TTYH2: variants seen among roughly 807,000 people sequenced by gnomAD.
The protein encoded by TTYH2 is protein tweety homolog 2.
A neutral mutation model predicts 68.3 loss-of-function variants in TTYH2; 49 were observed. The ratio of observed to expected loss-of-function variants is 0.72; its 90% CI spans 0.57 to 0.91. The LOEUF is 0.91. TTYH2 is among the 40% of genes least tolerant of loss of function. The pLI is 0.00. For synonymous variants in TTYH2, 272 were observed against 300.8 expected (o/e 0.90, Z 0.99); for missense variants, 631 against 700.4 (o/e 0.90, Z 1.12).
In TTYH2 at chr17:74,250,366, G is replaced by A. The variant is rs577666880; in HGVS notation, c.1116+9G>A. The A allele has an allele frequency of 8.1e-6, 13 of 1,610,394 alleles. No homozygotes were observed. The highest frequency in any genetic ancestry group is 1.1e-5 in the Non-Finnish European group (13 of 1,177,706). Reference sequence around the variant, plus strand: ...GCCGAGGGCTGCACAAGGTGCATGGGGACCCTGGGGTCACGTGGAGAGTGT... The same window carrying A: ...GCCGAGGGCTGCACAAGGTGCATGGAGACCCTGGGGTCACGTGGAGAGTGT... On this transcript the variant is annotated intron_variant, in intron 10 of 13. Coordinates refer to ENST00000269346, the MANE Select transcript of TTYH2 (RefSeq NM_032646.6).
At position 74,213,836 on chromosome 17, in the gene TTYH2, GC is replaced by G; in HGVS notation, c.129+123del. 8 of 1,293,966 alleles carry G rather than the reference GC, an allele frequency of 6.2e-6. No individual in the cohort carries two copies. Among genetic ancestry groups the G allele is most frequent in the Non-Finnish European group, 8.5e-6 (8 of 946,552 alleles). 80.2% of individuals were successfully genotyped at this position (1,293,966 alleles called of 1,614,324 possible). On this transcript the variant is annotated intron_variant, in intron 1 of 13. Transcript: ENST00000269346. This position sits in a 1 kb window ranked among gnomAD's most constrained non-coding sequence, Gnocchi z 6.1. ...CTCAGACCCCTTCTCTCCCCGCGCA[GC>G]CCTTTCCCGTCTCCCCTCTCCCCTT...
At chr17:74,255,981 AC>A (rs2050690335) in intron 13 of TTYH2, among the ~76,000 whole-genome samples, 1 of 152,308 alleles carries the variant, frequency 6.6e-6, no homozygotes, top group African/African-American at 2.4e-5. Context: ...ACGCACAGGC[AC>A]CCAGGGAGTC....
intron 1 of TTYH2, among the ~76,000 whole-genome samples, chr17:74,220,880 A>T (rs372442482): frequency 4.3e-4 from 66 of 151,952 alleles, no homozygotes; most frequent in Middle Eastern, 6.8e-3. Flanking sequence ...TCAACCTCCC[A>T]GTCTCAAGCG....
chr17:74,222,253 A>G lies in TTYH2; in HGVS notation c.130-232A>G, dbSNP rs1352556483. Among the ~76,000 whole-genome samples, 1 of 152,088 alleles carries G rather than the reference A, an allele frequency of 6.6e-6. No homozygotes were observed. The highest frequency in any genetic ancestry group is 2.4e-5 in the African/African-American group (1 of 41,406). On this transcript the variant is annotated intron_variant, in intron 1 of 13. Transcript: ENST00000269346. This position sits in a 1 kb window ranked among gnomAD's most constrained non-coding sequence, Gnocchi z 5.2. ...CTCTGGCACCCCTCCCTCACTGACCACGAGGCCCACCACTTGGCCTCATGC... is the reference window on the plus strand; with the variant it reads ...CTCTGGCACCCCTCCCTCACTGACCGCGAGGCCCACCACTTGGCCTCATGC...
intron 13 of TTYH2, among the ~76,000 whole-genome samples, chr17:74,258,193 G>A (rs72848267): frequency 0.03 from 4,578 of 152,198 alleles, 79 homozygotes; most frequent in Middle Eastern, 0.058. Context: ...TCATACTTGC[G>A]TATGCATCAG....
chr17:74,223,529 GGCCTTA>G (rs1411626372), intron 2 of TTYH2, among the ~76,000 whole-genome samples: 5 of 152,128 alleles, frequency 3.3e-5, no homozygotes, highest in Non-Finnish European at 7.4e-5. Flanking sequence ...CACCATGCTG[GGCCTTA>G]AAGTGAGGAT....
intron 2 of TTYH2, among the ~76,000 whole-genome samples, chr17:74,223,323 A>T (rs1195278188): frequency 2.6e-5 from 4 of 151,498 alleles, no homozygotes; most frequent in Admixed American, 1.3e-4. Flanking sequence ...ACAGGCTTTC[A>T]TCAAGTTCCC....
chr17:74,250,512 G>A (rs1037536882), intron 10 of TTYH2, 155 bp downstream of exon 10: 11 of 645,002 alleles, frequency 1.7e-5, no homozygotes, highest in Non-Finnish European at 2.9e-5. Context: ...AAGGGAGGGG[G>A]TGCCTGGCTT....
chr17:74,249,421 C>T, intron 8 of TTYH2, 22 bp downstream of exon 8: 1 of 1,612,678 alleles, frequency 6.2e-7, no homozygotes, highest in Non-Finnish European at 8.5e-7. Flanking sequence ...CGAGGCCTGC[C>T]CTCACCCTGC....
intron 3 of TTYH2, among the ~76,000 whole-genome samples, chr17:74,233,734 G>A (rs1000239427): frequency 2.6e-5 from 4 of 152,114 alleles, no homozygotes; most frequent in African/African-American, 9.7e-5. Context: ...GGGTAGGGGC[G>A]GTGGTTCAGG....
intron 3 of TTYH2, among the ~76,000 whole-genome samples, chr17:74,231,470 T>C (rs183414303): frequency 6.6e-6 from 1 of 152,240 alleles, no homozygotes; most frequent in African/African-American, 2.4e-5. Context: ...CCAAGGCATG[T>C]GGAGCTCAGG....
In TTYH2 at chr17:74,241,262, CGT is replaced by C. The variant is rs199960092; in HGVS notation, c.636-2078_636-2077del. On this transcript the variant is annotated intron_variant, in intron 4 of 13. Transcript: ENST00000269346. This position sits in a 1 kb window ranked among gnomAD's most constrained non-coding sequence, Gnocchi z 4.1. ...ATAGACAGACCCGGTATTTATAATA[CGT>C]GTGTGTGTGTGTGTGTGTGTGTGTG... Among the ~76,000 whole-genome samples, 31,818 of 144,318 alleles carry C rather than the reference CGT, an allele frequency of 0.22. 3,346 individuals are homozygous for C. Among genetic ancestry groups the C allele is most frequent in the Non-Finnish European group, 0.25 (16,199 of 65,998 alleles). 94.7% of individuals were successfully genotyped at this position (144,318 alleles called of 152,430 possible). A position where few individuals can be genotyped will look rare whatever the true frequency, so the allele number is the denominator to read the frequency against.
At chr17:74,256,596 G>A (rs1388390795) in intron 13 of TTYH2, among the ~76,000 whole-genome samples, 1 of 152,118 alleles carries the variant, frequency 6.6e-6, no homozygotes, top group Non-Finnish European at 1.5e-5. Context: ...TTTCTTCCTG[G>A]GGTCCCCGGG....
At chr17:74,237,539 G>A in intron 4 of TTYH2, 25 bp downstream of exon 4, 1 of 1,580,218 alleles carries the variant, frequency 6.3e-7, no homozygotes, top group Non-Finnish European at 8.6e-7. Context: ...GGAGGCAGAG[G>A]GAGGGGCAGC....
Position 74,244,194 on chromosome 17 carries a change from ACCGGCC to A in TTYH2, c.804+148_804+153del. 4.0e-6 allele frequency: 3 copies of A among 747,030 alleles called. No individual in the cohort carries two copies. In the Middle Eastern group the frequency reaches 7.2e-4, roughly 180 times the overall value. 46.3% of individuals were successfully genotyped at this position (747,030 alleles called of 1,614,324 possible). The stretch of plus-strand genomic sequence containing the variant: ...AACCAAAGGGACTTGCGTCATCTGA[ACCGGCC>A]CCTCTCGTTACAGATGGGGAAACAG... On this transcript the variant is annotated intron_variant, in intron 6 of 13. Coordinates refer to ENST00000269346, the MANE Select transcript of TTYH2 (RefSeq NM_032646.6).
intron 10 of TTYH2, among the ~76,000 whole-genome samples, chr17:74,251,625 G>A (rs920900007): frequency 4.6e-5 from 7 of 151,030 alleles, no homozygotes; most frequent in South Asian, 2.1e-4. Context: ...ACCACGATCC[G>A]GTCCTGCCCC....
At chr17:74,236,970 C>T (rs1233436370) in intron 3 of TTYH2, among the ~76,000 whole-genome samples, 1 of 150,450 alleles carries the variant, frequency 6.6e-6, no homozygotes, top group Non-Finnish European at 1.5e-5. Context: ...GATCTTGACT[C>T]ATTGCAGACT....
chr17:74,236,041 C>A (rs1367894101), intron 3 of TTYH2, among the ~76,000 whole-genome samples: 1 of 152,170 alleles, frequency 6.6e-6, no homozygotes, highest in Non-Finnish European at 1.5e-5. Flanking sequence ...GGATGGCCAG[C>A]CGTCAACTTT....
rs752755505 is a variant in TTYH2 at position 74,249,331 on chromosome 17, C to T, written c.875-13C>T. ...ATTTGTGAGCTGCCTAACGTTATGC[C>T]GTTGCCCTGCAGAGGTGACTCGCTA... On this transcript the variant is annotated splice_polypyrimidine_tract_variant and intron_variant, in intron 7 of 13. Transcript: ENST00000269346. The T allele has an allele frequency of 2.6e-5, 42 of 1,613,958 alleles. No homozygotes were observed. The highest frequency in any genetic ancestry group is 1.2e-4 in the African/African-American group (9 of 74,900).
Sources: gnomAD v4.1 joint callset for allele counts (sites outside exome capture counted in the v4.1 genomes callset) on GRCh38, gnomAD v4.1.1 for gene constraint, Gnocchi (gnomAD v3.1) non-coding constraint, MANE v1.5 for transcripts, NCBI Gene and HGNC (gene_info 2026-07-23, HGNC 2026-07-21) for gene names.